The following PNKD variants were observed in gnomAD, a reference collection of about 807,000 sequenced individuals.
PNKD encodes the protein probable thioesterase PNKD.
A neutral mutation model predicts 45.3 loss-of-function variants in PNKD; 36 were observed. The ratio of observed to expected loss-of-function variants is 0.80; its 90% CI spans 0.61 to 1.05. The LOEUF (loss-of-function observed/expected upper bound fraction) is 1.05, where lower values mean the gene tolerates loss of function less well. Among genes scored for constraint, PNKD ranks in the 50% least tolerant of loss-of-function variants. The pLI is 0.00. For synonymous variants in PNKD, 197 were observed against 210.1 expected (o/e 0.94, Z 0.54); for missense variants, 511 against 506.6 (o/e 1.01, Z -0.08).
intron 2 of PNKD, among the ~76,000 whole-genome samples, chr2:218,288,730 C>T (rs905235087): frequency 2.0e-5 from 3 of 152,098 alleles, no homozygotes; most frequent in Non-Finnish European, 4.4e-5. Context: ...TAGATGTCTG[C>T]CCCCATGGCT....
intron 2 of PNKD, chr2:218,272,915 A>G: frequency 6.5e-7 from 1 of 1,526,822 alleles, no homozygotes; most frequent in South Asian, 1.2e-5. Flanking sequence ...AGCCAAAGGC[A>G]AATAAAGTTA....
At chr2:218,274,205 T>G (rs989134192) in intron 2 of PNKD, 4 of 154,964 alleles carry the variant, frequency 2.6e-5, no homozygotes, top group African/African-American at 9.6e-5. Flanking sequence ...GGTTTTAACT[T>G]CTAGACATAA....
chr2:218,276,094 G>T (rs750328598), intron 2 of PNKD: 3 of 1,611,882 alleles, frequency 1.9e-6, no homozygotes, highest in Non-Finnish European at 2.5e-6. Flanking sequence ...AGAAGAAGGG[G>T]ACAGAGAATG....
At chr2:218,288,162 C>T (rs1316827429) in intron 2 of PNKD, among the ~76,000 whole-genome samples, 1 of 152,248 alleles carries the variant, frequency 6.6e-6, no homozygotes, top group East Asian at 1.9e-4. Context: ...GGCATGGCGG[C>T]TCACGCCTGT....
In PNKD at chr2:218,340,816, C is replaced by G. The variant is rs200853094; in HGVS notation, c.524+30C>G. ...GGGGCTCCCGTCTTCCCTGGCCCAC[C>G]CTTGTCCCAGCTGGGCTTGCCAGGA... On this transcript the variant is annotated intron_variant, in intron 5 of 9. Transcript: ENST00000273077. This position sits in a 1 kb window ranked among gnomAD's most constrained non-coding sequence, Gnocchi z 4.2. 3 of 1,597,630 alleles carry G rather than the reference C, an allele frequency of 1.9e-6. No individual in the cohort carries two copies. The highest frequency in any genetic ancestry group is 2.7e-5 in the African/African-American group (2 of 74,562).
intron 2 of PNKD, chr2:218,275,746 C>T (rs947257961): frequency 8.4e-7 from 1 of 1,189,950 alleles, no homozygotes; most frequent in Non-Finnish European, 1.2e-6. Flanking sequence ...TAACGCACAG[C>T]ATAACATATG....
chr2:218,329,672 G>A (rs1694263423), intron 2 of PNKD, among the ~76,000 whole-genome samples: 1 of 152,264 alleles, frequency 6.6e-6, no homozygotes, highest in Non-Finnish European at 1.5e-5. Flanking sequence ...TGACCACGGA[G>A]CAGCCCTGTC....
intron 2 of PNKD, among the ~76,000 whole-genome samples, chr2:218,318,647 C>G (rs1693885439): frequency 6.6e-6 from 1 of 152,218 alleles, no homozygotes; most frequent in Non-Finnish European, 1.5e-5. Context: ...AGATACTTAA[C>G]TGAACACCTG....
At position 218,278,555 on chromosome 2, in the gene PNKD, C is replaced by T. The variant is rs200425384; in HGVS notation, c.236+7006C>T. The stretch of plus-strand genomic sequence containing the variant: ...CAGGCAAGGATCAGGTAGGTGACAA[C>T]GAAGACAGCACTAGGGACAAAGAGA... On this transcript the variant is annotated intron_variant, in intron 2 of 9. Transcript: ENST00000273077. 1.2e-5 allele frequency: 19 copies of T among 1,614,134 alleles called. No individual in the cohort carries two copies. In the East Asian group the frequency reaches 2.7e-4, roughly 23 times the overall value.
intron 2 of PNKD, among the ~76,000 whole-genome samples, chr2:218,333,429 C>G (rs138157426): frequency 1.3e-5 from 2 of 152,182 alleles, no homozygotes; most frequent in African/African-American, 4.8e-5. Context: ...ATGTGCATGA[C>G]CCTGCTCTAG....
chr2:218,342,113 C>G lies in PNKD; in HGVS notation c.750C>G (p.Phe250Leu), dbSNP rs1323850702. 6.2e-7 allele frequency: 1 copy of G among 1,613,724 alleles called. No individual in the cohort carries two copies. The highest frequency in any genetic ancestry group is 8.5e-7 in the Non-Finnish European group (1 of 1,179,938). Residue 250 changes from phenylalanine to leucine, a missense_variant, in exon 7 of 10, where the codon TTC becomes TTG. Coordinates refer to ENST00000273077, the MANE Select transcript of PNKD (RefSeq NM_015488.5). ...CCTACAAGGGTCCCTCCTGCCTCTT[C>G]TCAGGGGACCTGCTCTTCCTCTCTG... ...GEPYKGPSCL[F>L]SGDLLFLSGC...
At chr2:218,331,171 T>C (rs546901814) in intron 2 of PNKD, among the ~76,000 whole-genome samples, 1 of 152,084 alleles carries the variant, frequency 6.6e-6, no homozygotes, top group African/African-American at 2.4e-5. Context: ...TCCCAGCACT[T>C]TGGGAGGGCG....
intron 2 of PNKD, among the ~76,000 whole-genome samples, chr2:218,315,022 T>TTC (rs1693743656): frequency 9.6e-4 from 1 of 1,040 alleles, no homozygotes; most frequent in African/African-American, 1.2e-3. Context: ...TTTTCTTTCT[T>TTC]TCTTTCTTTC....
intron 2 of PNKD, among the ~76,000 whole-genome samples, chr2:218,292,111 G>T (rs1330892657): frequency 6.6e-6 from 1 of 152,200 alleles, no homozygotes; most frequent in Non-Finnish European, 1.5e-5. Flanking sequence ...GGCCACTCGG[G>T]CTGGCATGGT....
intron 2 of PNKD, among the ~76,000 whole-genome samples, chr2:218,291,189 T>C (rs1447819964): frequency 6.6e-6 from 1 of 152,172 alleles, no homozygotes; most frequent in Non-Finnish European, 1.5e-5. Context: ...TCTGAAGGGC[T>C]CATTTTTACA....
chr2:218,339,860 C>A lies in PNKD; in HGVS notation c.314C>A (p.Pro105His). 1 of 1,610,692 alleles carries A rather than the reference C, an allele frequency of 6.2e-7. No individual in the cohort carries two copies. The change falls in exon 3 of 10, where the codon CCT (proline) becomes CAT (histidine). Residue 105 changes from proline (P) to histidine (H), a missense_variant. Coordinates refer to ENST00000273077, the MANE Select transcript of PNKD (RefSeq NM_015488.5). ...CTGCGCAGGGCTCGGAATCGCTACCCTAAAGGCCACTCGAAAACCCAGCCC... is the reference window on the plus strand; with the variant it reads ...CTGCGCAGGGCTCGGAATCGCTACCATAAAGGCCACTCGAAAACCCAGCCC... ...QQLRRARNRY[P>H]KGHSKTQPRL...
chr2:218,274,385 A>G (rs1461663310), intron 2 of PNKD: 1 of 154,834 alleles, frequency 6.5e-6, no homozygotes, highest in African/African-American at 2.4e-5. Context: ...TATTACAAAG[A>G]AGGCAGTGGC....
intron 2 of PNKD, among the ~76,000 whole-genome samples, chr2:218,319,831 G>T (rs143048983): frequency 4.4e-4 from 67 of 152,380 alleles, no homozygotes; most frequent in African/African-American, 1.6e-3. Flanking sequence ...AAAGCCACTG[G>T]CATATGCCAT....
intron 2 of PNKD, among the ~76,000 whole-genome samples, chr2:218,311,803 C>T (rs1196096868): frequency 2.0e-5 from 3 of 152,024 alleles, no homozygotes; most frequent in Non-Finnish European, 4.4e-5. Context: ...CAGCACAGAC[C>T]CTTTATGGGT....
Sources: allele counts gnomAD v4.1 joint callset (sites outside exome capture counted in the v4.1 genomes callset), GRCh38; gene constraint gnomAD v4.1.1; non-coding constraint Gnocchi (gnomAD v3.1); transcripts MANE v1.5; gene names NCBI Gene and HGNC (gene_info 2026-07-23, HGNC 2026-07-21).